RASSF3: variants seen among roughly 807,000 people sequenced by gnomAD.
RASSF3 encodes Ras association domain family member 3.
Under a neutral mutation model 19.9 loss-of-function variants are expected in RASSF3, and 19 were observed. The observed-to-expected ratio is 0.96, with a 90% confidence interval of 0.67 to 1.40. The LOEUF (loss-of-function observed/expected upper bound fraction) is 1.40. Among genes scored for constraint, RASSF3 ranks in the 40% most tolerant of loss-of-function variants. The pLI is 0.00. For missense variants in RASSF3, 306 were observed against 289.8 expected, an observed-to-expected ratio of 1.06 and a Z score of -0.41; for synonymous variants, 110 against 104.2, an observed-to-expected ratio of 1.06 and a Z score of -0.34.
intron 1 of RASSF3, among the ~76,000 whole-genome samples, chr12:64,648,030 G>C (rs1438365109): frequency 1.3e-5 from 2 of 152,248 alleles, no homozygotes; most frequent in African/African-American, 4.8e-5. Context: ...GGTGGTACCA[G>C]CCTTTGTGTA....
intron 2 of RASSF3, among the ~76,000 whole-genome samples, chr12:64,561,715 C>CTTTTTTTTT (rs4046189): frequency 2.4e-5 from 3 of 127,604 alleles, no homozygotes; most frequent in Non-Finnish European, 4.9e-5. Flanking sequence ...TAGCATTTAT[C>CTTTTTTTTT]TTTTTTTTTT....
intron 1 of RASSF3, among the ~76,000 whole-genome samples, chr12:64,648,683 A>G (rs1318341955): frequency 3.3e-5 from 5 of 151,638 alleles, no homozygotes; most frequent in African/African-American, 1.2e-4. Context: ...GGGTTTCATC[A>G]TGTTAGCCAG....
At chr12:64,602,376 C>T (rs569400889) in intron 2 of RASSF3, among the ~76,000 whole-genome samples, 4 of 150,770 alleles carry the variant, frequency 2.7e-5, no homozygotes, top group African/African-American at 7.3e-5. Context: ...GTCAGGAGAT[C>T]GAGACCATCC....
intron 1 of RASSF3, among the ~76,000 whole-genome samples, chr12:64,641,414 A>ACACACACACACACACACGCGCGCG: frequency 2.3e-4 from 33 of 142,186 alleles, no homozygotes; most frequent in African/African-American, 8.4e-4. Flanking sequence ...ACACACACAC[A>ACACACACACACACACACGCGCGCG]CGCGCGCGCG....
intron 2 of RASSF3, among the ~76,000 whole-genome samples, chr12:64,574,584 A>G (rs1283992097): frequency 6.6e-6 from 1 of 152,128 alleles, no homozygotes; most frequent in Non-Finnish European, 1.5e-5. Context: ...TGCAAGTAAA[A>G]ATTTGAAATG....
chr12:64,614,053 T>C (rs1870466037), intron 1 of RASSF3, among the ~76,000 whole-genome samples: 1 of 152,182 alleles, frequency 6.6e-6, no homozygotes, highest in Admixed American at 6.5e-5. Flanking sequence ...CAGTACCTGA[T>C]ATACAGTAGT....
At chr12:64,579,507 C>T (rs368097443) in intron 2 of RASSF3, among the ~76,000 whole-genome samples, 15 of 151,924 alleles carry the variant, frequency 9.9e-5, no homozygotes, top group East Asian at 1.9e-4. Context: ...CCTGCCAACA[C>T]GCCTGGCTAT....
intron 2 of RASSF3, among the ~76,000 whole-genome samples, chr12:64,549,595 A>G (rs1869122301): frequency 6.6e-6 from 1 of 152,180 alleles, no homozygotes; most frequent in African/African-American, 2.4e-5. Context: ...AATCATTAGG[A>G]GTCAATGGTA....
rs2136152194 is a variant in RASSF3, at chr12:64,610,582, C to T, written c.-51C>T. On this transcript the variant is annotated 5_prime_UTR_variant, in exon 1 of 5. Transcript: ENST00000542104. ...GGCTGGCGGGCGCCGCACCCCCTCCCTGGCCGCCTGCGCCCCGGGGAGGCC... is the reference window on the plus strand; with the variant it reads ...GGCTGGCGGGCGCCGCACCCCCTCCTTGGCCGCCTGCGCCCCGGGGAGGCC... The T allele has an allele frequency of 3.4e-6, 4 of 1,174,374 alleles. No individual in the cohort carries two copies. The highest frequency in any genetic ancestry group is 4.5e-6 in the Non-Finnish European group (4 of 886,804). The allele number at this position is 1,174,374 out of a possible 1,614,324, so 72.7% of individuals were successfully genotyped here.
At chr12:64,609,402 G>A (rs1370545244), upstream of RASSF3, 1 of 152,192 alleles carries the variant, frequency 6.6e-6, no homozygotes, top group African/African-American at 2.4e-5. Flanking sequence ...GGCTAGTTTG[G>A]CTATGATGGA....
At chr12:64,667,391 A>G (rs1334900943) in intron 1 of RASSF3, among the ~76,000 whole-genome samples, 1 of 152,082 alleles carries the variant, frequency 6.6e-6, no homozygotes, top group Non-Finnish European at 1.5e-5. Context: ...CAGTGGCGCC[A>G]TCTCGGCTTA....
At chr12:64,578,685 A>G (rs986336520) in intron 2 of RASSF3, among the ~76,000 whole-genome samples, 4 of 152,182 alleles carry the variant, frequency 2.6e-5, no homozygotes, top group Non-Finnish European at 4.4e-5. Flanking sequence ...AAGAGAGGCT[A>G]AATAAATACC....
chr12:64,557,832 C>T (rs372023915), intron 2 of RASSF3, among the ~76,000 whole-genome samples: 13 of 152,210 alleles, frequency 8.5e-5, no homozygotes, highest in East Asian at 5.8e-4. Context: ...GTATAATGCA[C>T]GATATGACCA....
At chr12:64,571,503 G>A (rs1028007048) in intron 2 of RASSF3, among the ~76,000 whole-genome samples, 1 of 152,152 alleles carries the variant, frequency 6.6e-6, no homozygotes, top group Non-Finnish European at 1.5e-5. Context: ...TCTGTCTGGA[G>A]ATGTGCTGGG....
intron 1 of RASSF3, among the ~76,000 whole-genome samples, chr12:64,637,423 CTTT>C (rs781748041): frequency 1.5e-5 from 2 of 132,498 alleles, no homozygotes. Context: ...TAGTTTCTTT[CTTT>C]TTTTTTTTTT....
At chr12:64,559,918 G>T (rs774946737) in intron 2 of RASSF3, among the ~76,000 whole-genome samples, 3 of 152,166 alleles carry the variant, frequency 2.0e-5, no homozygotes. Flanking sequence ...GCCCTTCCCT[G>T]TCTTGATTAT....
intron 1 of RASSF3, among the ~76,000 whole-genome samples, chr12:64,676,136 A>G (rs937755895): frequency 6.7e-6 from 1 of 148,370 alleles, no homozygotes; most frequent in Non-Finnish European, 1.5e-5. Flanking sequence ...CCCAGAAACA[A>G]CTGTTCTGAT....
chr12:64,691,420 C>G (rs1351758851), intron 3 of RASSF3, 50 bp from the exon 4 acceptor site: 1 of 1,276,924 alleles, frequency 7.8e-7, no homozygotes, highest in South Asian at 1.2e-5. Context: ...GGGAAGTGGT[C>G]TCAGGAATGG....
chr12:64,644,846 T>A (rs922863238), intron 1 of RASSF3, among the ~76,000 whole-genome samples: 1 of 152,350 alleles, frequency 6.6e-6, no homozygotes, highest in Middle Eastern at 3.4e-3. Context: ...GGTTTGTGTC[T>A]ATGTTAGTGT....
Sources: gnomAD v4.1 joint callset for allele counts (sites outside exome capture counted in the v4.1 genomes callset) on GRCh38, gnomAD v4.1.1 for gene constraint, MANE v1.5 for transcripts, NCBI Gene and HGNC (gene_info 2026-07-23, HGNC 2026-07-21) for gene names.